Variants in SNX14 observed in about 807,000 individuals in gnomAD.
SNX14 encodes the protein sorting nexin 14, also known as sorting nexin-14.
Under a neutral mutation model 133.8 loss-of-function variants are expected in SNX14, and 93 were observed. That is an observed-to-expected ratio of 0.70 (90% CI 0.59 to 0.83). The LOEUF (loss-of-function observed/expected upper bound fraction) is 0.83, where lower values mean the gene tolerates loss of function less well. Ranked by LOEUF, SNX14 falls within the 40% of genes least tolerant of loss-of-function variation. The pLI is 0.00. For missense variants in SNX14, 945 were observed against 1,094.9 expected (o/e 0.86, Z 1.93); for synonymous variants, 368 against 365.6 (o/e 1.01, Z -0.07).
chr6:85,585,407 A>C (rs1314223741), intron 1 of SNX14, among the ~76,000 whole-genome samples: 1 of 152,092 alleles, frequency 6.6e-6, no homozygotes, highest in African/African-American at 2.4e-5. Flanking sequence ...AACAACAACA[A>C]CAACAAAAAC....
chr6:85,560,340 T>C (rs1791126447), intron 6 of SNX14, among the ~76,000 whole-genome samples: 2 of 152,164 alleles, frequency 1.3e-5, no homozygotes, highest in South Asian at 2.1e-4. Flanking sequence ...ATAATATGGA[T>C]AAACCTTGAG....
At chr6:85,535,278 G>C (rs1431164369) in intron 17 of SNX14, among the ~76,000 whole-genome samples, 1 of 151,560 alleles carries the variant, frequency 6.6e-6, no homozygotes, top group African/African-American at 2.4e-5. Context: ...GTTTCCCAAA[G>C]TACTGAGATT....
rs560436429 is a variant in SNX14, at chr6:85,583,514, G to A, written c.141-9136C>T. On this transcript the variant is annotated intron_variant, in intron 1 of 28. Coordinates refer to ENST00000314673, the MANE Select transcript of SNX14 (RefSeq NM_153816.6). ...ATATTTAGAAAACCCCATCATCTCA[G>A]CCCAAAATCAACTTAAGCTGATAAG... Among the ~76,000 whole-genome samples the A allele has an allele frequency of 2.0e-5, 3 of 152,270 alleles. No homozygotes were observed. In the East Asian group the frequency reaches 5.8e-4, roughly 29 times the overall value.
chr6:85,574,437 C>A, intron 1 of SNX14, 59 bp from the exon 2 acceptor site: 1 of 1,271,032 alleles, frequency 7.9e-7, no homozygotes, highest in Non-Finnish European at 1.1e-6. Context: ...TCTAAGTTAC[C>A]GCTTCACTGA....
chr6:85,585,627 A>C (rs1265574509), intron 1 of SNX14, among the ~76,000 whole-genome samples: 2 of 152,210 alleles, frequency 1.3e-5, no homozygotes, highest in Non-Finnish European at 2.9e-5. Flanking sequence ...GGTACCAATT[A>C]TTACTCTAAA....
At chr6:85,530,048 C>A in intron 19 of SNX14, 144 bp downstream of exon 19, 1 of 513,186 alleles carries the variant, frequency 1.9e-6, no homozygotes, top group Non-Finnish European at 3.4e-6. Flanking sequence ...CAGTACATTT[C>A]CGTTATCAAT....
At chr6:85,552,678 T>C (rs144440404) in intron 7 of SNX14, among the ~76,000 whole-genome samples, 19 of 152,300 alleles carry the variant, frequency 1.2e-4, no homozygotes, top group African/African-American at 4.6e-4. Flanking sequence ...ACATATATCT[T>C]TGAATTATTT....
intron 26 of SNX14, 106 bp downstream of exon 26, chr6:85,513,694 A>G (rs1773756480): frequency 1.3e-6 from 1 of 792,198 alleles, no homozygotes; most frequent in South Asian, 1.8e-5. Context: ...AACTATTTGT[A>G]AAATGAAAAC....
intron 26 of SNX14, chr6:85,508,311 ATGC>A (rs1468771010): frequency 7.0e-5 from 77 of 1,092,446 alleles, no homozygotes; most frequent in Non-Finnish European, 8.4e-5. Context: ...ACTCTGAGAA[ATGC>A]TGCAGTAAAA....
At chr6:85,568,629 T>A (rs1794664210) in intron 4 of SNX14, 1 of 152,216 alleles carries the variant, frequency 6.6e-6, no homozygotes, top group African/African-American at 2.4e-5. Flanking sequence ...CATTGGGCAG[T>A]AACTTACAAA....
At chr6:85,557,480 T>C (rs774848013) in intron 7 of SNX14, among the ~76,000 whole-genome samples, 7 of 152,142 alleles carry the variant, frequency 4.6e-5, no homozygotes, top group Non-Finnish European at 8.8e-5. Flanking sequence ...AAGCAGGTCA[T>C]CCTGGCCAAA....
At chr6:85,555,788 G>A (rs1248215017) in intron 7 of SNX14, among the ~76,000 whole-genome samples, 2 of 151,874 alleles carry the variant, frequency 1.3e-5, no homozygotes, top group African/African-American at 4.8e-5. Context: ...TCAGGAATTC[G>A]AGACCAGCCT....
intron 1 of SNX14, among the ~76,000 whole-genome samples, chr6:85,592,309 T>C (rs1291193621): frequency 6.6e-6 from 1 of 152,198 alleles, no homozygotes; most frequent in Non-Finnish European, 1.5e-5. Context: ...TCACAAATAA[T>C]GGTTACACCA....
At chr6:85,585,399 C>T (rs1800494527) in intron 1 of SNX14, among the ~76,000 whole-genome samples, 1 of 150,646 alleles carries the variant, frequency 6.6e-6, no homozygotes, top group Non-Finnish European at 1.5e-5. Context: ...AAAAAACAAA[C>T]AACAACAACA....
intron 21 of SNX14, among the ~76,000 whole-genome samples, chr6:85,524,019 T>C (rs910079787): frequency 2.6e-5 from 4 of 151,968 alleles, no homozygotes; most frequent in African/African-American, 7.2e-5. Flanking sequence ...CAGTCTCTAC[T>C]AAAAATACAA....
Position 85,576,996 on chromosome 6 carries a change from T to C in SNX14, c.141-2618A>G, listed in dbSNP as rs956444716. ...AACACACAGCCTAGTTAGAAAACTG[T>C]TGCAGTAATCTATGAGAGTCAGTGA... On this transcript the variant is annotated intron_variant, in intron 1 of 28. Transcript: ENST00000314673. 4.6e-5 allele frequency among the ~76,000 whole-genome samples: 7 copies of C among 152,308 alleles called. No individual in the cohort carries two copies. In the East Asian group the frequency reaches 9.7e-4, roughly 21 times the overall value.
At chr6:85,587,165 C>A (rs1801157104) in intron 1 of SNX14, among the ~76,000 whole-genome samples, 3 of 151,864 alleles carry the variant, frequency 2.0e-5, no homozygotes. Context: ...CAGGCATGGG[C>A]CACCTCACCC....
At chr6:85,574,558 A>G (rs924807995) in intron 1 of SNX14, among the ~76,000 whole-genome samples, 180 bp from the exon 2 acceptor site, 10 of 152,150 alleles carry the variant, frequency 6.6e-5, no homozygotes, top group Admixed American at 5.9e-4. Context: ...GTATGCTATC[A>G]AATACATATT....
At position 85,518,787 on chromosome 6, in the gene SNX14, T is replaced by C. The variant is rs116063840; in HGVS notation, c.2108-739A>G. ...AACCTTCCCATTTGGCTATTTCTGG[T>C]ATTTCTGGTTCTCATAACACCCCCT... is the stretch of plus-strand genomic sequence containing the variant. On this transcript the variant is annotated intron_variant, in intron 21 of 28. Coordinates refer to ENST00000314673, the MANE Select transcript of SNX14 (RefSeq NM_153816.6). Among the ~76,000 whole-genome samples the C allele has an allele frequency of 4.6e-3, 698 of 152,328 alleles. 5 individuals carry two copies. The highest frequency in any genetic ancestry group is 0.012 in the African/African-American group (514 of 41,582).
Sources: allele counts gnomAD v4.1 joint callset (sites outside exome capture counted in the v4.1 genomes callset), GRCh38; gene constraint gnomAD v4.1.1; transcripts MANE v1.5; gene names NCBI Gene and HGNC (gene_info 2026-07-23, HGNC 2026-07-21).